SEMA3A: variants seen among roughly 807,000 people sequenced by gnomAD.
The protein encoded by SEMA3A is semaphorin 3A.
A neutral mutation model predicts 97.9 loss-of-function variants in SEMA3A; 29 were observed. The ratio of observed to expected loss-of-function variants is 0.30; its 90% CI spans 0.22 to 0.40. The LOEUF is 0.40. Among genes scored for constraint, SEMA3A ranks in the 10% least tolerant of loss-of-function variants. The probability of loss-of-function intolerance (pLI) is 1.00; values close to 1 mark genes in which losing one functional copy is unlikely to be tolerated. For synonymous variants in SEMA3A, 321 were observed against 323.7 expected, an observed-to-expected ratio of 0.99 and a Z score of 0.09; for missense variants, 763 against 951.3, an observed-to-expected ratio of 0.80 and a Z score of 2.60.
chr7:84,207,125 T>C (rs1218058877), intron 3 of SEMA3A, among the ~76,000 whole-genome samples: 1 of 152,224 alleles, frequency 6.6e-6, no homozygotes, highest in Non-Finnish European at 1.5e-5. Flanking sequence ...AATATATTCG[T>C]CTTGTAGCAC....
chr7:84,428,174 G>A (rs1440496970), intron 1 of SEMA3A, among the ~76,000 whole-genome samples: 1 of 152,044 alleles, frequency 6.6e-6, no homozygotes, highest in Non-Finnish European at 1.5e-5. Context: ...CTTTCCTATA[G>A]AAATCTGTAA....
intron 3 of SEMA3A, among the ~76,000 whole-genome samples, chr7:84,242,247 C>A (rs568429287): frequency 6.6e-6 from 1 of 152,176 alleles, no homozygotes; most frequent in African/African-American, 2.4e-5. Flanking sequence ...GATACTGATT[C>A]TTTCTGTCTA....
intron 1 of SEMA3A, among the ~76,000 whole-genome samples, chr7:84,486,116 G>C (rs1209932154): frequency 6.6e-6 from 1 of 152,162 alleles, no homozygotes; most frequent in Non-Finnish European, 1.5e-5. Flanking sequence ...CAGGCCAGGC[G>C]TGGTGGCTCA....
At chr7:84,035,592 T>C (rs892233749) in intron 6 of SEMA3A, among the ~76,000 whole-genome samples, 2 of 151,962 alleles carry the variant, frequency 1.3e-5, no homozygotes, top group Middle Eastern at 3.4e-3. Flanking sequence ...CTGAGAAAAA[T>C]GTCTGGATCA....
intron 1 of SEMA3A, among the ~76,000 whole-genome samples, chr7:84,488,364 T>G (rs1022860621): frequency 4.0e-5 from 6 of 148,696 alleles, no homozygotes; most frequent in Admixed American, 1.3e-4. Flanking sequence ...ATATATGTAC[T>G]CCCCACAGAT....
At chr7:84,143,207 T>C (rs967338903) in intron 1 of SEMA3A, among the ~76,000 whole-genome samples, 1 of 152,112 alleles carries the variant, frequency 6.6e-6, no homozygotes, top group Admixed American at 6.6e-5. Context: ...ACACATGCAC[T>C]TTCTACTGGT....
At chr7:84,065,799 G>C (rs1292936674) in intron 4 of SEMA3A, among the ~76,000 whole-genome samples, 2 of 151,962 alleles carry the variant, frequency 1.3e-5, no homozygotes, top group Non-Finnish European at 2.9e-5. Context: ...ACCAAAAAGA[G>C]TCCAGGACCA....
chr7:84,187,114 G>T (rs1373861551), intron 1 of SEMA3A, among the ~76,000 whole-genome samples: 2 of 152,152 alleles, frequency 1.3e-5, no homozygotes, highest in Non-Finnish European at 2.9e-5. Context: ...AAGCAAGAAA[G>T]GCTCTGAACT....
chr7:84,016,756 C>T (rs992060238), intron 6 of SEMA3A, among the ~76,000 whole-genome samples: 1 of 152,108 alleles, frequency 6.6e-6, no homozygotes, highest in African/African-American at 2.4e-5. Context: ...AAGCCTAAGA[C>T]ATGTGAAACA....
intron 3 of SEMA3A, among the ~76,000 whole-genome samples, chr7:84,273,303 C>T (rs761242286): frequency 3.3e-5 from 5 of 152,000 alleles, no homozygotes; most frequent in Non-Finnish European, 5.9e-5. Flanking sequence ...CCTCTAGCCC[C>T]GAATTTCCAT....
chr7:84,143,563 G>A (rs1796362319), intron 1 of SEMA3A, among the ~76,000 whole-genome samples: 2 of 137,012 alleles, frequency 1.5e-5, no homozygotes, highest in African/African-American at 5.5e-5. Flanking sequence ...TCCATAAAGA[G>A]TGGAGGTGCA....
At chr7:84,323,004 C>T (rs1801687297) in intron 2 of SEMA3A, among the ~76,000 whole-genome samples, 2 of 152,106 alleles carry the variant, frequency 1.3e-5, no homozygotes, top group Admixed American at 1.3e-4. Flanking sequence ...GGCAAACAAC[C>T]ACAACTGTGG....
At chr7:84,068,580 G>C (rs1293358263) in intron 4 of SEMA3A, among the ~76,000 whole-genome samples, 2 of 152,054 alleles carry the variant, frequency 1.3e-5, no homozygotes, top group Admixed American at 6.6e-5. Context: ...GCAGAACGAA[G>C]TGGTAGTGTG....
intron 3 of SEMA3A, among the ~76,000 whole-genome samples, chr7:84,271,595 C>T (rs968133926): frequency 6.6e-6 from 1 of 152,068 alleles, no homozygotes; most frequent in Non-Finnish European, 1.5e-5. Flanking sequence ...CTGTTATAAA[C>T]CCGTTGTATC....
chr7:84,350,285 G>A (rs1584256835), intron 2 of SEMA3A, among the ~76,000 whole-genome samples: 2 of 151,754 alleles, frequency 1.3e-5, no homozygotes, highest in South Asian at 4.2e-4. Flanking sequence ...ATAACTTCTC[G>A]TGGTGCCTGA....
At chr7:84,405,257 A>T (rs1211382924) in intron 1 of SEMA3A, among the ~76,000 whole-genome samples, 1 of 152,208 alleles carries the variant, frequency 6.6e-6, no homozygotes, top group Non-Finnish European at 1.5e-5. Context: ...AGTCTCTGAT[A>T]AAACAGACTT....
intron 3 of SEMA3A, among the ~76,000 whole-genome samples, chr7:84,220,072 A>C (rs1375700330): frequency 6.6e-6 from 1 of 152,188 alleles, no homozygotes; most frequent in African/African-American, 2.4e-5. Flanking sequence ...ATTTCTTTCA[A>C]AATGTCTCAA....
intron 3 of SEMA3A, among the ~76,000 whole-genome samples, chr7:84,277,559 A>C (rs1473781970): frequency 2.6e-5 from 4 of 152,148 alleles, no homozygotes; most frequent in Non-Finnish European, 1.5e-5. Flanking sequence ...TGAAATACTC[A>C]AAGAATGATG....
chr7:84,030,681 T>C (rs768804786), intron 6 of SEMA3A, among the ~76,000 whole-genome samples: 31 of 152,190 alleles, frequency 2.0e-4, no homozygotes, highest in Non-Finnish European at 4.0e-4. Flanking sequence ...AGAACAATTA[T>C]AATAACAGAT....
Sources: gnomAD v4.1 joint callset for allele counts (sites outside exome capture counted in the v4.1 genomes callset) on GRCh38, gnomAD v4.1.1 for gene constraint, MANE v1.5 for transcripts, NCBI Gene and HGNC (gene_info 2026-07-23, HGNC 2026-07-21) for gene names.